Variants in FOXRED1 observed in about 807,000 individuals in gnomAD.
FOXRED1 encodes the protein FAD-dependent oxidoreductase domain-containing protein 1.
In FOXRED1, 52 loss-of-function variants were observed where a neutral mutation model predicts 57.8. That is an observed-to-expected ratio of 0.90 (90% CI 0.72 to 1.13). The LOEUF is 1.13. Among genes scored for constraint, FOXRED1 ranks in the 50% most tolerant of loss-of-function variants. The pLI is 0.00. For missense variants in FOXRED1, 589 were observed against 625.2 expected, an observed-to-expected ratio of 0.94 and a Z score of 0.62; for synonymous variants, 271 against 248.3, an observed-to-expected ratio of 1.09 and a Z score of -0.86.
In FOXRED1 at chr11:126,275,365, CT is replaced by C; in HGVS notation, c.671del (p.Leu224ProfsTer20). 1 of 1,614,024 alleles carries C rather than the reference CT, an allele frequency of 6.2e-7. No individual in the cohort carries two copies. Among genetic ancestry groups the C allele is most frequent in the Non-Finnish European group, 8.5e-7 (1 of 1,179,918 alleles). Reference protein sequence around the residue: ...DEGWFDPWCLLQGLRRKVQSL... With the variant: ...DEGWFDPWCLXQGLRRKVQSL... Reference sequence around the variant, plus strand: ...AGGTTGGTTTGACCCCTGGTGTCTGCTCCAGGGGCTTCGGCGAAAGGTCCAG... The same window carrying C: ...AGGTTGGTTTGACCCCTGGTGTCTGCCCAGGGGCTTCGGCGAAAGGTCCAG... On this transcript the variant is annotated frameshift_variant, in exon 6 of 11. Transcript: ENST00000263578. LOFTEE classifies it high-confidence loss of function. The surrounding 1 kb of genome is among the most constrained non-coding windows in gnomAD (Gnocchi z 5.9).
rs1951142417 is a variant in FOXRED1 at position 126,276,376 on chromosome 11, C to G, written c.972-18C>G. The G allele has an allele frequency of 9.5e-7, 1 of 1,047,712 alleles. No individual in the cohort carries two copies. The highest frequency in any genetic ancestry group is 3.4e-5 in the African/African-American group (1 of 29,168). The allele number at this position is 1,047,712 out of a possible 1,614,324, so 64.9% of individuals were successfully genotyped here. A position where few individuals can be genotyped will look rare whatever the true frequency, so the allele number is the denominator to read the frequency against. On this transcript the variant is annotated intron_variant, in intron 8 of 10. Transcript: ENST00000263578. Reference sequence around the variant, plus strand: ...GCCATGCTGTTTCTGCAGTTCGTAACCGCACTGGTTGTGGCAGGTATGTGT... The same window carrying G: ...GCCATGCTGTTTCTGCAGTTCGTAAGCGCACTGGTTGTGGCAGGTATGTGT...
rs528203237 is a variant in FOXRED1, at chr11:126,275,679, T to C, written c.734-115T>C. ...GCTCCCTCATCTCTGTTTGCTTCAG[T>C]GTCTGTGGGAAAGCTCCCATCCTTC... On this transcript the variant is annotated intron_variant, in intron 6 of 10. Coordinates refer to ENST00000263578, the MANE Select transcript of FOXRED1 (RefSeq NM_017547.4). The surrounding 1 kb of genome is among the most constrained non-coding windows in gnomAD (Gnocchi z 5.9). The C allele has an allele frequency of 6.4e-6, 5 of 786,278 alleles. No homozygotes were observed. In the South Asian group the frequency reaches 7.2e-5, roughly 11 times the overall value. 48.7% of individuals were successfully genotyped at this position (786,278 alleles called of 1,614,324 possible). A position where few individuals can be genotyped will look rare whatever the true frequency, so the allele number is the denominator to read the frequency against.
At position 126,275,707 on chromosome 11, in the gene FOXRED1, G is replaced by T; in HGVS notation, c.734-87G>T. ...CTGTGGGAAAGCTCCCATCCTTCCA[G>T]CTTTCTTTCCTTAAGAAACCAGTGA... On this transcript the variant is annotated intron_variant, in intron 6 of 10. Coordinates refer to ENST00000263578, the MANE Select transcript of FOXRED1 (RefSeq NM_017547.4). This position sits in a 1 kb window ranked among gnomAD's most constrained non-coding sequence, Gnocchi z 5.9. 1.0e-6 allele frequency: 1 copy of T among 963,010 alleles called. No individual in the cohort carries two copies. 59.7% of individuals were successfully genotyped at this position (963,010 alleles called of 1,614,324 possible).
rs200742305 is a variant in FOXRED1 at position 126,277,469 on chromosome 11, A to C, written c.1241A>C (p.Asn414Thr). 2.5e-6 allele frequency: 4 copies of C among 1,613,310 alleles called. No individual in the cohort carries two copies. Among genetic ancestry groups the C allele is most frequent in the Non-Finnish European group, 3.4e-6 (4 of 1,179,984 alleles). ...GCCTGGGCCGGCTATTACGACTACA[A>C]CACCTTTGACCAGAATGGCGTGGTG... ...QSAWAGYYDYNTFDQNGVVGP... is the reference protein window; with the variant it reads ...QSAWAGYYDYTTFDQNGVVGP... The change falls in exon 11 of 11, where the codon AAC (asparagine) becomes ACC (threonine). Residue 414 changes from asparagine to threonine, a missense_variant. Asn to Thr is a moderately conservative substitution (Grantham distance 65). Coordinates refer to ENST00000263578, the MANE Select transcript of FOXRED1 (RefSeq NM_017547.4). The surrounding 1 kb of genome is among the most constrained non-coding windows in gnomAD (Gnocchi z 6.8).
At chr11:126,269,563 C>A (rs1442399466) in intron 1 of FOXRED1, 1 of 655,888 alleles carries the variant, frequency 1.5e-6, no homozygotes, top group Non-Finnish European at 2.7e-6. Flanking sequence ...GCATTAAGTC[C>A]TGCCCGTGTT....
chr11:126,275,310 T>C lies in FOXRED1; in HGVS notation c.632-17T>C, dbSNP rs755842141. ...AGTCCTCATCCCTCTTTGTGAGTTC[T>C]CTTTTTCTTATCACAGGGATGGAGG... On this transcript the variant is annotated splice_polypyrimidine_tract_variant and intron_variant, in intron 5 of 10. Transcript: ENST00000263578. This position sits in a 1 kb window ranked among gnomAD's most constrained non-coding sequence, Gnocchi z 5.9. 4 of 1,573,018 alleles carry C rather than the reference T, an allele frequency of 2.5e-6. No homozygotes were observed. The South Asian group carries it at 4.4e-5, about 17-fold the overall frequency.
In FOXRED1 at chr11:126,274,711, C is replaced by T. The variant is rs1407034456; in HGVS notation, c.537-216C>T. 15 of 597,968 alleles carry T rather than the reference C, an allele frequency of 2.5e-5. No individual in the cohort carries two copies. Among genetic ancestry groups the T allele is most frequent in the Non-Finnish European group, 4.3e-5 (14 of 328,676 alleles). The allele number at this position is 597,968 out of a possible 1,614,324, so 37.0% of individuals were successfully genotyped here. A position where few individuals can be genotyped will look rare whatever the true frequency, so the allele number is the denominator to read the frequency against. ...GGGAGCTCTGTGTGCTGAAGGGAGA[C>T]AAGGGAGTAGGGAAGGAAAGGCAGT... On this transcript the variant is annotated intron_variant, in intron 4 of 10. Transcript: ENST00000263578. The surrounding 1 kb of genome is among the most constrained non-coding windows in gnomAD (Gnocchi z 4.8).
chr11:126,273,479 G>C lies in FOXRED1; in HGVS notation c.536+25G>C, dbSNP rs761436384. 6.7e-7 allele frequency: 1 copy of C among 1,503,530 alleles called. No individual in the cohort carries two copies. Among genetic ancestry groups the C allele is most frequent in the Non-Finnish European group, 9.3e-7 (1 of 1,079,648 alleles). 93.1% of individuals were successfully genotyped at this position (1,503,530 alleles called of 1,614,324 possible). On this transcript the variant is annotated intron_variant, in intron 4 of 10. Coordinates refer to ENST00000263578, the MANE Select transcript of FOXRED1 (RefSeq NM_017547.4). The surrounding 1 kb of genome is among the most constrained non-coding windows in gnomAD (Gnocchi z 5.9). ...GGTGGGTGCCTGGCACAGCCTCTTAGCTGCTTGGCAGCCAAAGGTGTTGGG... is the reference window on the plus strand; with the variant it reads ...GGTGGGTGCCTGGCACAGCCTCTTACCTGCTTGGCAGCCAAAGGTGTTGGG...
rs1951023413 is a variant in FOXRED1 at position 126,272,730 on chromosome 11, A to G, written c.307-239A>G. The G allele has an allele frequency of 5.0e-6, 3 of 594,440 alleles. No individual in the cohort carries two copies. Among genetic ancestry groups the G allele is most frequent in the Non-Finnish European group, 3.0e-6 (1 of 332,532 alleles). The allele number at this position is 594,440 out of a possible 1,614,324, so 36.8% of individuals were successfully genotyped here. A position where few individuals can be genotyped will look rare whatever the true frequency, so the allele number is the denominator to read the frequency against. ...GCCCTTGGACTTCCAGGCCATTACC[A>G]TTTTGTACCACTGTGTCAGCTCTTT... On this transcript the variant is annotated intron_variant, in intron 2 of 10. Coordinates refer to ENST00000263578, the MANE Select transcript of FOXRED1 (RefSeq NM_017547.4). This position sits in a 1 kb window ranked among gnomAD's most constrained non-coding sequence, Gnocchi z 4.6.
At chr11:126,276,308 T>TGG in intron 8 of FOXRED1, 86 bp from the exon 9 acceptor site, 3 of 1,556 alleles carry the variant, frequency 1.9e-3, no homozygotes, top group Non-Finnish European at 3.5e-3. Context: ...TGTGTGTGTG[T>TGG]GTGTGTGGGG....
chr11:126,270,125 G>C (rs941699706), intron 1 of FOXRED1, among the ~76,000 whole-genome samples: 3 of 152,160 alleles, frequency 2.0e-5, no homozygotes, highest in African/African-American at 7.2e-5. Flanking sequence ...CTTAAGAAAG[G>C]TGTGTGTTCC....
rs755266959 is a variant in FOXRED1 at position 126,273,306 on chromosome 11, T to G, written c.418-30T>G. ...ACTCTTTCTGGCATCCTTAAGTCAGTTTCTTTCAGGAGCTTCTGTCTGCAC... is the reference window on the plus strand; with the variant it reads ...ACTCTTTCTGGCATCCTTAAGTCAGGTTCTTTCAGGAGCTTCTGTCTGCAC... On this transcript the variant is annotated intron_variant, in intron 3 of 10. Transcript: ENST00000263578. This position sits in a 1 kb window ranked among gnomAD's most constrained non-coding sequence, Gnocchi z 5.9. 6.5e-7 allele frequency: 1 copy of G among 1,529,382 alleles called. No individual in the cohort carries two copies. Among genetic ancestry groups the G allele is most frequent in the Non-Finnish European group, 9.1e-7 (1 of 1,102,764 alleles). The allele number at this position is 1,529,382 out of a possible 1,614,324, so 94.7% of individuals were successfully genotyped here. A position where few individuals can be genotyped will look rare whatever the true frequency, so the allele number is the denominator to read the frequency against.
Position 126,276,384 on chromosome 11 carries a change from G to A in FOXRED1, c.972-10G>A. ...GTTTCTGCAGTTCGTAACCGCACTGGTTGTGGCAGGTATGTGTATGTGTGG... is the reference window on the plus strand; with the variant it reads ...GTTTCTGCAGTTCGTAACCGCACTGATTGTGGCAGGTATGTGTATGTGTGG... On this transcript the variant is annotated splice_polypyrimidine_tract_variant and intron_variant, in intron 8 of 10. Coordinates refer to ENST00000263578, the MANE Select transcript of FOXRED1 (RefSeq NM_017547.4). 8.1e-7 allele frequency: 1 copy of A among 1,231,714 alleles called. No homozygotes were observed. Among genetic ancestry groups the A allele is most frequent in the Non-Finnish European group, 1.0e-6 (1 of 958,950 alleles). 76.3% of individuals were successfully genotyped at this position (1,231,714 alleles called of 1,614,324 possible).
In FOXRED1 at chr11:126,275,177, C is replaced by T; in HGVS notation, c.632-150C>T. 1 of 805,358 alleles carries T rather than the reference C, an allele frequency of 1.2e-6. No homozygotes were observed. Among genetic ancestry groups the T allele is most frequent in the Non-Finnish European group, 2.1e-6 (1 of 465,146 alleles). 49.9% of individuals were successfully genotyped at this position (805,358 alleles called of 1,614,324 possible). A position where few individuals can be genotyped will look rare whatever the true frequency, so the allele number is the denominator to read the frequency against. On this transcript the variant is annotated intron_variant, in intron 5 of 10. Transcript: ENST00000263578. This position sits in a 1 kb window ranked among gnomAD's most constrained non-coding sequence, Gnocchi z 5.9. ...GCCCTGGGCCGTGGTAGTTCTCTGTCCTTCATCAGGCTTTGTCTCTGTGGT... is the reference window on the plus strand; with the variant it reads ...GCCCTGGGCCGTGGTAGTTCTCTGTTCTTCATCAGGCTTTGTCTCTGTGGT...
intron 8 of FOXRED1, 33 bp from the exon 9 acceptor site, chr11:126,276,361 T>C: frequency 9.1e-7 from 1 of 1,104,542 alleles, no homozygotes; most frequent in Non-Finnish European, 1.1e-6. Flanking sequence ...GCCATGCTGT[T>C]TCTGCAGTTC....
rs762456138 is a variant in FOXRED1 at position 126,274,940 on chromosome 11, A to G, written c.550A>G (p.Lys184Glu). ...NVKVQRQEGA[K>E]VSLMSPDQLR... is the part of the protein sequence containing the mutation. The stretch of plus-strand genomic sequence containing the variant: ...CGTTTATCTCAGGCAGGAGGGAGCC[A>G]AAGTTTCTCTGATGTCTCCTGATCA... The change falls in exon 5 of 11, where the codon AAA (lysine) becomes GAA (glutamate). Residue 184 changes from lysine (K) to glutamate (E), a missense_variant. Lys to Glu is a moderately conservative substitution (Grantham distance 56). Coordinates refer to ENST00000263578, the MANE Select transcript of FOXRED1 (RefSeq NM_017547.4). This position sits in a 1 kb window ranked among gnomAD's most constrained non-coding sequence, Gnocchi z 4.8. 1.2e-6 allele frequency: 2 copies of G among 1,611,932 alleles called. No individual in the cohort carries two copies. The highest frequency in any genetic ancestry group is 1.1e-5 in the South Asian group (1 of 91,032).
In FOXRED1 at chr11:126,275,196, CTG is replaced by C. The variant is rs2135264040; in HGVS notation, c.632-128_632-127del. On this transcript the variant is annotated intron_variant, in intron 5 of 10. Transcript: ENST00000263578. This position sits in a 1 kb window ranked among gnomAD's most constrained non-coding sequence, Gnocchi z 5.9. The stretch of plus-strand genomic sequence containing the variant: ...CTCTGTCCTTCATCAGGCTTTGTCT[CTG>C]TGGTTCAGTTGGTTAAGATGACCTT... 8.4e-6 allele frequency: 7 copies of C among 835,166 alleles called. No homozygotes were observed. Among genetic ancestry groups the C allele is most frequent in the South Asian group, 4.2e-5 (3 of 71,336 alleles). The allele number at this position is 835,166 out of a possible 1,614,324, so 51.7% of individuals were successfully genotyped here. A position where few individuals can be genotyped will look rare whatever the true frequency, so the allele number is the denominator to read the frequency against.
intron 1 of FOXRED1, among the ~76,000 whole-genome samples, chr11:126,270,057 C>A (rs548147659): frequency 6.7e-6 from 1 of 148,238 alleles, no homozygotes; most frequent in East Asian, 2.0e-4. Context: ...GCTAGTATAA[C>A]GGTAGAAGTA....
Position 126,271,789 on chromosome 11 carries a change from G to C in FOXRED1, c.306+132G>C. 1.3e-6 allele frequency: 1 copy of C among 775,846 alleles called. No individual in the cohort carries two copies. Among genetic ancestry groups the C allele is most frequent in the Admixed American group, 2.0e-5 (1 of 49,130 alleles). 48.1% of individuals were successfully genotyped at this position (775,846 alleles called of 1,614,324 possible). On this transcript the variant is annotated intron_variant, in intron 2 of 10. Coordinates refer to ENST00000263578, the MANE Select transcript of FOXRED1 (RefSeq NM_017547.4). This position sits in a 1 kb window ranked among gnomAD's most constrained non-coding sequence, Gnocchi z 5.3. ...GGAGGGTCCAACGGACAGAGATTGTGCTTTGGACTTTGTTGAGAAATTTTC... is the reference window on the plus strand; with the variant it reads ...GGAGGGTCCAACGGACAGAGATTGTCCTTTGGACTTTGTTGAGAAATTTTC...
Sources: gnomAD v4.1 joint callset for allele counts (sites outside exome capture counted in the v4.1 genomes callset) on GRCh38, gnomAD v4.1.1 for gene constraint, Gnocchi (gnomAD v3.1) non-coding constraint, MANE v1.5 for transcripts, NCBI Gene and HGNC (gene_info 2026-07-23, HGNC 2026-07-21) for gene names.